The following GPRIN2 variants were observed in gnomAD, a reference collection of about 807,000 sequenced individuals.
GPRIN2 encodes G protein regulated inducer of neurite outgrowth 2, also known as G protein-regulated inducer of neurite outgrowth 2.
In GPRIN2, 1 loss-of-function variant was observed where a neutral mutation model predicts 0.3. The ratio of observed to expected loss-of-function variants is 3.90; its 90% CI spans 1.39 to 18.51. The LOEUF (loss-of-function observed/expected upper bound fraction) is 18.51. GPRIN2 is among the 30% of genes most tolerant of loss of function. The pLI, the probability that GPRIN2 is intolerant of heterozygous loss-of-function variation, is 0.11. For missense variants in GPRIN2, 880 were observed against 604.2 expected, an observed-to-expected ratio of 1.46 and a Z score of -4.79; for synonymous variants, 361 against 258.6, an observed-to-expected ratio of 1.40 and a Z score of -3.80.
Position 46,549,045 on chromosome 10 carries a change from G to T in GPRIN2, c.*315C>A, listed in dbSNP as rs1842414123. On this transcript the variant is annotated 3_prime_UTR_variant, in exon 3 of 3. Coordinates refer to ENST00000374314, the MANE Select transcript of GPRIN2 (RefSeq NM_001385282.1). ...GGCAACATGGCAGAGTTCTGAGGGT[G>T]GAGTGAACAAAAGGTCATTTTTTAC... 1 of 396,810 alleles carries T rather than the reference G, an allele frequency of 2.5e-6. No individual in the cohort carries two copies. 24.6% of individuals were successfully genotyped at this position (396,810 alleles called of 1,614,324 possible).
At position 46,551,984 on chromosome 10, in the gene GPRIN2, A is replaced by AG. The variant is rs1842667702; in HGVS notation, c.-6-1243dup. On this transcript the variant is annotated intron_variant, in intron 2 of 2. Coordinates refer to ENST00000374314, the MANE Select transcript of GPRIN2 (RefSeq NM_001385282.1). ...GACCTGATGTGTCGTCGGCACTCAGAGGATTATCTGCTGTGTGCCTGACCA... is the reference window on the plus strand; with the variant it reads ...GACCTGATGTGTCGTCGGCACTCAGAGGGATTATCTGCTGTGTGCCTGACCA... Among the ~76,000 whole-genome samples, 3 of 152,424 alleles carry AG rather than the reference A, an allele frequency of 2.0e-5. No homozygotes were observed. In the East Asian group the frequency reaches 5.8e-4, roughly 29 times the overall value.
At position 46,541,883 on chromosome 10, in the gene GPRIN2, C is replaced by T. The variant is rs4312001; in HGVS notation, c.*7477G>A. ...TGTCCTACGGTATCCCAGGTGCCAG[C>T]CCCCTGTGTCCACACCCCTGCTGGT... On this transcript the variant is annotated 3_prime_UTR_variant, in exon 3 of 3. Transcript: ENST00000374314. 3.3e-5 allele frequency among the ~76,000 whole-genome samples: 5 copies of T among 151,456 alleles called. No individual in the cohort carries two copies. Among genetic ancestry groups the T allele is most frequent in the Non-Finnish European group, 5.9e-5 (4 of 67,782 alleles).
At position 46,549,451 on chromosome 10, in the gene GPRIN2, G is replaced by A. The variant is rs1832714057; in HGVS notation, c.1286C>T (p.Ser429Phe). The A allele has an allele frequency of 3.7e-6, 6 of 1,608,034 alleles. No homozygotes were observed. The South Asian group carries it at 5.5e-5, about 15-fold the overall frequency. Residue 429 changes from serine to phenylalanine, a missense_variant, in exon 3 of 3, where the codon TCT becomes TTT. Coordinates refer to ENST00000374314, the MANE Select transcript of GPRIN2 (RefSeq NM_001385282.1). ...QRAPASEDSLSVEGRRGPLRA... is the reference protein window; with the variant it reads ...QRAPASEDSLFVEGRRGPLRA... ...CAGTGGCCCCCTCCGGCCCTCCACA[G>A]ACAGGCTGTCCTCGCTGGCGGGCGC...
Position 46,550,720 on chromosome 10 carries a change from G to T in GPRIN2, c.17C>A (p.Pro6His). 6.6e-7 allele frequency: 1 copy of T among 1,509,084 alleles called. No individual in the cohort carries two copies. Among genetic ancestry groups the T allele is most frequent in the South Asian group, 1.4e-5 (1 of 73,330 alleles). The allele number at this position is 1,509,084 out of a possible 1,614,324, so 93.5% of individuals were successfully genotyped here. The change falls in exon 3 of 3, where the codon CCC becomes CAC. Residue 6 changes from proline to histidine, a missense_variant. Transcript: ENST00000374314. MSSSR[P>H]EPGPWAPLSP... Reference sequence around the variant, plus strand: ...CAGGGGTGCCCAGGGACCCGGCTCGGGGCGGCTGGAGCTCATGGCTGCCTG... The same window carrying T: ...CAGGGGTGCCCAGGGACCCGGCTCGTGGCGGCTGGAGCTCATGGCTGCCTG...
intron 1 of GPRIN2, among the ~76,000 whole-genome samples, chr10:46,555,167 G>A (rs985010712): frequency 3.5e-4 from 53 of 152,378 alleles, no homozygotes; most frequent in African/African-American, 1.1e-3. Flanking sequence ...GGCTGGTCTC[G>A]AACTCCTGAC....
rs1841989934 is a variant in GPRIN2 at position 46,544,485 on chromosome 10, A to G, written c.*4875T>C. Among the ~76,000 whole-genome samples the G allele has an allele frequency of 6.6e-6, 1 of 152,302 alleles. No individual in the cohort carries two copies. Among genetic ancestry groups the G allele is most frequent in the African/African-American group, 2.4e-5 (1 of 41,486 alleles). ...GCTACAGATGCACACCACCATGCCC[A>G]GCTAATTTTTGTATTTTTTGTAGAG... On this transcript the variant is annotated 3_prime_UTR_variant, in exon 3 of 3. Transcript: ENST00000374314.
chr10:46,552,865 T>C (rs1842768617), intron 2 of GPRIN2, among the ~76,000 whole-genome samples: 1 of 152,304 alleles, frequency 6.6e-6, no homozygotes, highest in South Asian at 2.1e-4. Flanking sequence ...GACTTGTCCC[T>C]GGGAGGATCA....
At chr10:46,555,823 A>G (rs1231786837) in intron 1 of GPRIN2, among the ~76,000 whole-genome samples, 1 of 152,312 alleles carries the variant, frequency 6.6e-6, no homozygotes, top group Non-Finnish European at 1.5e-5. Flanking sequence ...GCACGCTCAC[A>G]AGCACTCATG....
intron 1 of GPRIN2, among the ~76,000 whole-genome samples, 200 bp downstream of exon 1, chr10:46,556,298 G>A (rs1831836689): frequency 1.3e-4 from 20 of 152,418 alleles, no homozygotes; most frequent in Admixed American, 3.3e-4. Flanking sequence ...CGTAGAAGAG[G>A]GGACAGGACA....
rs1832793981 is a variant in GPRIN2, at chr10:46,548,629, C to G, written c.*731G>C. ...TGAGCTCAGCCAGGGCAGGGGCAGC[C>G]TCTGTCTCATTCACCACAGAATCCA... On this transcript the variant is annotated 3_prime_UTR_variant, in exon 3 of 3. Coordinates refer to ENST00000374314, the MANE Select transcript of GPRIN2 (RefSeq NM_001385282.1). Among the ~76,000 whole-genome samples the G allele has an allele frequency of 6.6e-6, 1 of 152,424 alleles. No individual in the cohort carries two copies. Among genetic ancestry groups the G allele is most frequent in the African/African-American group, 2.4e-5 (1 of 41,610 alleles).
At chr10:46,553,949 G>C (rs1842889882) in intron 2 of GPRIN2, among the ~76,000 whole-genome samples, 1 of 152,310 alleles carries the variant, frequency 6.6e-6, no homozygotes, top group South Asian at 2.1e-4. Context: ...GGGCCTCCCA[G>C]GGAGCCAGGG....
intron 2 of GPRIN2, among the ~76,000 whole-genome samples, chr10:46,553,127 C>A (rs113079629): frequency 0.017 from 2,595 of 150,976 alleles, no homozygotes; most frequent in African/African-American, 0.06. Flanking sequence ...ATTCCATAAG[C>A]TCAGAGAGGC....
At chr10:46,556,365 C>G (rs1369868666) in intron 1 of GPRIN2, among the ~76,000 whole-genome samples, 133 bp downstream of exon 1, 1 of 152,422 alleles carries the variant, frequency 6.6e-6, no homozygotes, top group East Asian at 1.9e-4. Context: ...GCTCTGGGCG[C>G]TGGGCAGGGG....
At chr10:46,552,210 G>A (rs1258477101) in intron 2 of GPRIN2, among the ~76,000 whole-genome samples, 2 of 152,308 alleles carry the variant, frequency 1.3e-5, no homozygotes, top group African/African-American at 2.4e-5. Flanking sequence ...GGAGTGGGCA[G>A]GAGGAAAGAG....
At position 46,546,311 on chromosome 10, in the gene GPRIN2, C is replaced by G. The variant is rs1842156400; in HGVS notation, c.*3049G>C. On this transcript the variant is annotated 3_prime_UTR_variant, in exon 3 of 3. Transcript: ENST00000374314. ...GGTCCTGAATGCCATGGAAGGAGAG[C>G]AGGTGGGCAGAAGCAGGGAGCCCCT... Among the ~76,000 whole-genome samples, 1 of 152,308 alleles carries G rather than the reference C, an allele frequency of 6.6e-6. No homozygotes were observed. The highest frequency in any genetic ancestry group is 2.4e-5 in the African/African-American group (1 of 41,488).
upstream of GPRIN2, among the ~76,000 whole-genome samples, chr10:46,557,426 A>C: frequency 6.6e-6 from 1 of 152,422 alleles, no homozygotes; most frequent in South Asian, 2.1e-4. Flanking sequence ...GCCCCTGAAG[A>C]CTGGTAATCT....
In GPRIN2 at chr10:46,542,418, T is replaced by C. The variant is rs1841830888; in HGVS notation, c.*6942A>G. Among the ~76,000 whole-genome samples, 1 of 152,306 alleles carries C rather than the reference T, an allele frequency of 6.6e-6. No individual in the cohort carries two copies. The highest frequency in any genetic ancestry group is 1.5e-5 in the Non-Finnish European group (1 of 68,054). On this transcript the variant is annotated 3_prime_UTR_variant, in exon 3 of 3. Transcript: ENST00000374314. ...TGGAATCGTGGGGGCGGTTCCCCCA[T>C]GCTGTTCTTGTGATAGTAAGTTCTC...
chr10:46,554,071 A>C (rs1842903426), intron 2 of GPRIN2, among the ~76,000 whole-genome samples: 1 of 151,358 alleles, frequency 6.6e-6, no homozygotes, highest in Non-Finnish European at 1.5e-5. Flanking sequence ...TCAATCTGCA[A>C]AACAGAAATA....
In GPRIN2 at chr10:46,549,355, G is replaced by T. The variant is rs1555016817; in HGVS notation, c.*5C>A. On this transcript the variant is annotated 3_prime_UTR_variant, in exon 3 of 3. Transcript: ENST00000374314. ...GCCCAGGCCAGCTCCAAGGGCCACA[G>T]CTCCTCACTCGGGGGCCGCGCCGGA... 4 of 1,468,986 alleles carry T rather than the reference G, an allele frequency of 2.7e-6. No individual in the cohort carries two copies. Among genetic ancestry groups the T allele is most frequent in the Non-Finnish European group, 3.6e-6 (4 of 1,112,376 alleles). 91.0% of individuals were successfully genotyped at this position (1,468,986 alleles called of 1,614,324 possible).
Sources: gnomAD v4.1 joint callset for allele counts (sites outside exome capture counted in the v4.1 genomes callset) on GRCh38, gnomAD v4.1.1 for gene constraint, MANE v1.5 for transcripts, NCBI Gene and HGNC (gene_info 2026-07-23, HGNC 2026-07-21) for gene names.